The following PAPPA variants were observed in gnomAD, a reference collection of about 807,000 sequenced individuals.
The protein encoded by PAPPA is pappalysin-1.
PAPPA carries 60 observed loss-of-function variants against 164.0 expected under a neutral mutation model. The ratio of observed to expected loss-of-function variants is 0.37; its 90% CI spans 0.30 to 0.45. The LOEUF (loss-of-function observed/expected upper bound fraction) is 0.45, where lower values mean the gene tolerates loss of function less well. PAPPA is among the 20% of genes least tolerant of loss of function. The pLI, the probability that PAPPA is intolerant of heterozygous loss-of-function variation, is 1.00. For missense variants in PAPPA, 1,782 were observed against 2,087.3 expected (o/e 0.85, Z 2.85); for synonymous variants, 875 against 814.1 (o/e 1.07, Z -1.27).
rs1417179795 is a variant in PAPPA, at chr9:116,347,520, T to C, written c.3964+311T>C. Among the ~76,000 whole-genome samples the C allele has an allele frequency of 5.9e-5, 9 of 152,140 alleles. No individual in the cohort carries two copies. Among genetic ancestry groups the C allele is most frequent in the African/African-American group, 2.2e-4 (9 of 41,436 alleles). On this transcript the variant is annotated intron_variant, in intron 15 of 21. Transcript: ENST00000328252. This position sits in a 1 kb window ranked among gnomAD's most constrained non-coding sequence, Gnocchi z 4.5. ...GGAAGAGAGAAAAAGAAAAAAAAGTTACATTTGGGACTGATGAAACTAATT... is the reference window on the plus strand; with the variant it reads ...GGAAGAGAGAAAAAGAAAAAAAAGTCACATTTGGGACTGATGAAACTAATT...
chr9:116,261,738 C>T (rs1243515978), intron 7 of PAPPA, among the ~76,000 whole-genome samples: 1 of 152,122 alleles, frequency 6.6e-6, no homozygotes, highest in Non-Finnish European at 1.5e-5. Flanking sequence ...TACACATTTA[C>T]CATCAGTATG....
chr9:116,274,741 A>G (rs1845177016), intron 9 of PAPPA, among the ~76,000 whole-genome samples: 1 of 152,230 alleles, frequency 6.6e-6, no homozygotes, highest in African/African-American at 2.4e-5. Context: ...AATAAGGAAG[A>G]GCCCAACGCT....
chr9:116,251,549 G>A (rs1239459810), intron 7 of PAPPA, among the ~76,000 whole-genome samples: 1 of 152,230 alleles, frequency 6.6e-6, no homozygotes, highest in Non-Finnish European at 1.5e-5. Flanking sequence ...ATCACCAGCT[G>A]TCACTGGGGC....
At chr9:116,185,453 T>G (rs1053181295) in intron 1 of PAPPA, among the ~76,000 whole-genome samples, 3 of 152,194 alleles carry the variant, frequency 2.0e-5, no homozygotes, top group Non-Finnish European at 4.4e-5. Context: ...TCTATTGATT[T>G]TGCTGGAAGC....
At chr9:116,214,206 C>T (rs780219092) in intron 4 of PAPPA, among the ~76,000 whole-genome samples, 28 of 152,140 alleles carry the variant, frequency 1.8e-4, no homozygotes, top group Non-Finnish European at 3.2e-4. Context: ...AATTATCAAT[C>T]TTATTTTAAC....
chr9:116,390,124 A>C (rs756315408), intron 21 of PAPPA, among the ~76,000 whole-genome samples: 1 of 152,172 alleles, frequency 6.6e-6, no homozygotes, highest in African/African-American at 2.4e-5. Flanking sequence ...AGCTGAATGA[A>C]TTCATGTCTT....
chr9:116,154,679 C>T lies in PAPPA; in HGVS notation c.415+92C>T. The T allele has an allele frequency of 8.1e-7, 1 of 1,235,602 alleles. No homozygotes were observed. Among genetic ancestry groups the T allele is most frequent in the Non-Finnish European group, 1.0e-6 (1 of 986,402 alleles). 76.5% of individuals were successfully genotyped at this position (1,235,602 alleles called of 1,614,324 possible). A position where few individuals can be genotyped will look rare whatever the true frequency, so the allele number is the denominator to read the frequency against. ...GCGCGGGTGGCGGGCGGGTCGGGGG[C>T]TTGCGGGCGTGTCTGTGCGAGAGCT... is the stretch of plus-strand genomic sequence containing the variant. On this transcript the variant is annotated intron_variant, in intron 1 of 21. Coordinates refer to ENST00000328252, the MANE Select transcript of PAPPA (RefSeq NM_002581.5). This position sits in a 1 kb window ranked among gnomAD's most constrained non-coding sequence, Gnocchi z 5.2.
At chr9:116,294,280 A>G (rs958979818) in intron 9 of PAPPA, among the ~76,000 whole-genome samples, 3 of 152,174 alleles carry the variant, frequency 2.0e-5, no homozygotes, top group Non-Finnish European at 4.4e-5. Context: ...GTATGTGGCC[A>G]ACCTTTGAAG....
rs139255454 is a variant in PAPPA at position 116,236,351 on chromosome 9, G to A, written c.2732+714G>A. 2.9e-3 allele frequency among the ~76,000 whole-genome samples: 441 copies of A among 152,116 alleles called. 1 individual carries two copies. The highest frequency in any genetic ancestry group is 4.7e-3 in the Non-Finnish European group (319 of 67,988). Reference sequence around the variant, plus strand: ...TGTAATCTCAGCACTTTGGGAGGCCGAGGCAGGCGGGTCACCTGAGGTCAG... The same window carrying A: ...TGTAATCTCAGCACTTTGGGAGGCCAAGGCAGGCGGGTCACCTGAGGTCAG... On this transcript the variant is annotated intron_variant, in intron 7 of 21. Coordinates refer to ENST00000328252, the MANE Select transcript of PAPPA (RefSeq NM_002581.5).
At chr9:116,269,193 G>A (rs576820946) in intron 8 of PAPPA, among the ~76,000 whole-genome samples, 49 of 152,306 alleles carry the variant, frequency 3.2e-4, no homozygotes, top group Admixed American at 9.8e-4. Context: ...AGCCATGTGA[G>A]ATAGGTCTTA....
intron 3 of PAPPA, among the ~76,000 whole-genome samples, chr9:116,209,923 C>T (rs981996510): frequency 1.3e-5 from 2 of 152,164 alleles, no homozygotes; most frequent in African/African-American, 4.8e-5. Context: ...TCCAGCTGGA[C>T]TCCAGGCTGC....
chr9:116,223,017 A>G (rs2118712609), intron 5 of PAPPA, among the ~76,000 whole-genome samples: 1 of 152,354 alleles, frequency 6.6e-6, no homozygotes, highest in East Asian at 1.9e-4. Flanking sequence ...AACCTATTTG[A>G]TCACAGTACC....
intron 1 of PAPPA, among the ~76,000 whole-genome samples, chr9:116,172,463 G>A (rs1254044416): frequency 6.6e-6 from 1 of 152,166 alleles, no homozygotes; most frequent in Non-Finnish European, 1.5e-5. Context: ...ACTAGACACA[G>A]TAGCCACAAC....
At chr9:116,357,396 T>C (rs1313890648) in intron 17 of PAPPA, among the ~76,000 whole-genome samples, 1 of 152,260 alleles carries the variant, frequency 6.6e-6, no homozygotes, top group African/African-American at 2.4e-5. Flanking sequence ...TTCTTTGTCT[T>C]TGTTTTTGAG....
chr9:116,231,974 G>A (rs1044497537), intron 6 of PAPPA, among the ~76,000 whole-genome samples: 5 of 151,666 alleles, frequency 3.3e-5, no homozygotes, highest in South Asian at 2.1e-4. Flanking sequence ...GGCTGGTCTC[G>A]AACTCCTGAC....
chr9:116,204,142 T>A (rs989549909), intron 2 of PAPPA, among the ~76,000 whole-genome samples: 8 of 152,192 alleles, frequency 5.3e-5, no homozygotes, highest in Non-Finnish European at 1.0e-4. Flanking sequence ...TTAATCCTGT[T>A]GGGATCCGCA....
intron 10 of PAPPA, among the ~76,000 whole-genome samples, chr9:116,317,193 GT>G (rs1845797841): frequency 6.6e-6 from 1 of 152,190 alleles, no homozygotes; most frequent in Non-Finnish European, 1.5e-5. Flanking sequence ...ATGTTTTTAA[GT>G]AAAAAATCAT....
intron 6 of PAPPA, among the ~76,000 whole-genome samples, chr9:116,234,259 A>C (rs748093872): frequency 1.3e-5 from 2 of 152,180 alleles, no homozygotes; most frequent in Non-Finnish European, 2.9e-5. Flanking sequence ...AGTGGGGATG[A>C]GGCATCATCT....
At chr9:116,361,071 T>G (rs1025910736) in intron 17 of PAPPA, among the ~76,000 whole-genome samples, 1 of 152,208 alleles carries the variant, frequency 6.6e-6, no homozygotes, top group East Asian at 1.9e-4. Flanking sequence ...GCAGGCAATT[T>G]AAACTGAAGT....
Sources: gnomAD v4.1 joint callset for allele counts (sites outside exome capture counted in the v4.1 genomes callset) on GRCh38, gnomAD v4.1.1 for gene constraint, Gnocchi (gnomAD v3.1) non-coding constraint, MANE v1.5 for transcripts, NCBI Gene and HGNC (gene_info 2026-07-23, HGNC 2026-07-21) for gene names.